JAZF1: variants seen among roughly 807,000 people sequenced by gnomAD.
JAZF1 encodes juxtaposed with another zinc finger protein 1.
In JAZF1, 8 loss-of-function variants were observed where a neutral mutation model predicts 26.4. The ratio of observed to expected loss-of-function variants is 0.30; its 90% CI spans 0.18 to 0.55. The LOEUF (loss-of-function observed/expected upper bound fraction) is 0.55, where lower values mean the gene tolerates loss of function less well. Ranked by LOEUF, JAZF1 falls within the 20% of genes least tolerant of loss-of-function variation. JAZF1 has a pLI of 0.94. For missense variants in JAZF1, 199 were observed against 322.0 expected, an observed-to-expected ratio of 0.62 and a Z score of 2.92; for synonymous variants, 126 against 122.3, an observed-to-expected ratio of 1.03 and a Z score of -0.20.
intron 3 of JAZF1, among the ~76,000 whole-genome samples, chr7:27,870,985 A>G (rs1583440377): frequency 6.6e-6 from 1 of 152,146 alleles, no homozygotes; most frequent in East Asian, 1.9e-4. Context: ...GGGTTCATGT[A>G]CCCCCAGCCA....
chr7:28,073,647 G>A (rs935585182), intron 1 of JAZF1, among the ~76,000 whole-genome samples: 1 of 152,112 alleles, frequency 6.6e-6, no homozygotes, highest in Non-Finnish European at 1.5e-5. Context: ...TCATCACAGG[G>A]AACGTGCTTA....
At chr7:28,045,063 A>C (rs993539778) in intron 1 of JAZF1, among the ~76,000 whole-genome samples, 6 of 152,004 alleles carry the variant, frequency 3.9e-5, no homozygotes, top group Non-Finnish European at 8.8e-5. Context: ...GGCAGGCAGG[A>C]AGGAAGAAAA....
rs1784701691 is a variant in JAZF1, at chr7:27,932,519, A to C, written c.189-37103T>G. On this transcript the variant is annotated intron_variant, in intron 2 of 4. Transcript: ENST00000283928. The stretch of plus-strand genomic sequence containing the variant: ...CTCAATCAGCTGGAAACAATAAATA[A>C]ATTTATGATTCGCAACATGAAATAC... 2.0e-5 allele frequency among the ~76,000 whole-genome samples: 3 copies of C among 152,346 alleles called. No homozygotes were observed. In the South Asian group the frequency reaches 6.2e-4, roughly 32 times the overall value.
intron 2 of JAZF1, among the ~76,000 whole-genome samples, chr7:27,898,285 T>TGATATATA: frequency 4.2e-5 from 1 of 23,738 alleles, no homozygotes; most frequent in Non-Finnish European, 9.6e-5. Flanking sequence ...TACGTCTAAC[T>TGATATATA]CATATATATA....
At position 27,831,144 on chromosome 7, in the gene JAZF1, G is replaced by C. The variant is rs114700625; in HGVS notation, c.*1656C>G. 4.5e-6 allele frequency: 1 copy of C among 223,492 alleles called. No individual in the cohort carries two copies. Among genetic ancestry groups the C allele is most frequent in the Non-Finnish European group, 9.0e-6 (1 of 111,688 alleles). The allele number at this position is 223,492 out of a possible 1,614,324, so 13.8% of individuals were successfully genotyped here. A position where few individuals can be genotyped will look rare whatever the true frequency, so the allele number is the denominator to read the frequency against. On this transcript the variant is annotated 3_prime_UTR_variant, in exon 5 of 5. Coordinates refer to ENST00000283928, the MANE Select transcript of JAZF1 (RefSeq NM_175061.4). Reference sequence around the variant, plus strand: ...AGGACCAAGACCATACTTCAGATCTGAGGAAATTTTTAGAGGGCAGTGTTT... The same window carrying C: ...AGGACCAAGACCATACTTCAGATCTCAGGAAATTTTTAGAGGGCAGTGTTT...
At chr7:27,878,637 A>T (rs969300716) in intron 3 of JAZF1, among the ~76,000 whole-genome samples, 18 of 152,152 alleles carry the variant, frequency 1.2e-4, no homozygotes, top group African/African-American at 4.3e-4. Context: ...TGTTTTCTTT[A>T]ATCGGGAGGA....
At position 28,043,038 on chromosome 7, in the gene JAZF1, G is replaced by A. The variant is rs139705979; in HGVS notation, c.116-51057C>T. 5.1e-3 allele frequency among the ~76,000 whole-genome samples: 781 copies of A among 152,296 alleles called. 7 individuals are homozygous for A. Among genetic ancestry groups the A allele is most frequent in the Non-Finnish European group, 9.3e-3 (636 of 68,024 alleles). On this transcript the variant is annotated intron_variant, in intron 1 of 4. Transcript: ENST00000283928. ...TGCTGTACTATGATCCTGCAAAAAT[G>A]TAAGACAGATTTGAAACTGCTGCAA...
At chr7:28,092,585 A>G (rs113450276) in intron 1 of JAZF1, among the ~76,000 whole-genome samples, 1 of 152,078 alleles carries the variant, frequency 6.6e-6, no homozygotes, top group African/African-American at 2.4e-5. Context: ...GCTCACACTT[A>G]TAATCCCAGC....
At chr7:28,061,432 G>A (rs1013071520) in intron 1 of JAZF1, among the ~76,000 whole-genome samples, 1 of 152,160 alleles carries the variant, frequency 6.6e-6, no homozygotes, top group African/African-American at 2.4e-5. Flanking sequence ...GCATAACAAT[G>A]AATGGCAGAC....
chr7:28,053,363 T>TA (rs1472677763), intron 1 of JAZF1, among the ~76,000 whole-genome samples: 3 of 151,520 alleles, frequency 2.0e-5, no homozygotes, highest in Admixed American at 6.6e-5. Context: ...AATCACACAG[T>TA]AATTCTATTT....
intron 1 of JAZF1, among the ~76,000 whole-genome samples, chr7:28,080,025 AAGT>A (rs1394167790): frequency 6.6e-6 from 1 of 152,224 alleles, no homozygotes; most frequent in Non-Finnish European, 1.5e-5. Flanking sequence ...TGTCTTTAAA[AAGT>A]ATATATCTTA....
intron 1 of JAZF1, among the ~76,000 whole-genome samples, chr7:28,000,618 CTT>C: frequency 1.7e-5 from 1 of 58,096 alleles, no homozygotes; most frequent in African/African-American, 4.8e-5. Context: ...TTCTTTCTTT[CTT>C]TCTTTTTTTT....
At chr7:27,897,584 C>T (rs12666442) in intron 2 of JAZF1, among the ~76,000 whole-genome samples, 28,085 of 152,194 alleles carry the variant, frequency 0.18, 3,312 homozygotes, top group East Asian at 0.47. Flanking sequence ...GTGAACTGCA[C>T]AGCCTGGAGG....
intron 1 of JAZF1, among the ~76,000 whole-genome samples, chr7:28,023,021 G>A (rs989837460): frequency 3.9e-5 from 6 of 152,316 alleles, no homozygotes; most frequent in East Asian, 3.9e-4. Flanking sequence ...TCGGTGCTTC[G>A]TGAGGATACA....
intron 1 of JAZF1, among the ~76,000 whole-genome samples, chr7:28,073,268 T>C (rs1435109228): frequency 2.0e-5 from 3 of 152,222 alleles, no homozygotes; most frequent in African/African-American, 7.2e-5. Context: ...AGACCTGGTC[T>C]CTGGGCTTCC....
chr7:27,993,263 C>G (rs975595114), intron 1 of JAZF1, among the ~76,000 whole-genome samples: 1 of 152,186 alleles, frequency 6.6e-6, no homozygotes, highest in African/African-American at 2.4e-5. Flanking sequence ...CAAAGATTCT[C>G]TGAATGGCTC....
At chr7:27,849,010 G>C (rs1783080480) in intron 3 of JAZF1, among the ~76,000 whole-genome samples, 1 of 152,198 alleles carries the variant, frequency 6.6e-6, no homozygotes, top group Non-Finnish European at 1.5e-5. Flanking sequence ...ACTGATCAGA[G>C]GGGAAAGCTG....
At chr7:28,069,779 G>C (rs992387244) in intron 1 of JAZF1, among the ~76,000 whole-genome samples, 14 of 152,172 alleles carry the variant, frequency 9.2e-5, no homozygotes, top group African/African-American at 3.4e-4. Context: ...ACGGCTCCAT[G>C]CTAGGTCTGC....
At chr7:27,899,066 C>T (rs1473470146) in intron 2 of JAZF1, among the ~76,000 whole-genome samples, 1 of 152,218 alleles carries the variant, frequency 6.6e-6, no homozygotes, top group Non-Finnish European at 1.5e-5. Flanking sequence ...GCTCCTCTTC[C>T]TCCTCCCTTC....
Sources: gnomAD v4.1 joint callset for allele counts (sites outside exome capture counted in the v4.1 genomes callset) on GRCh38, gnomAD v4.1.1 for gene constraint, MANE v1.5 for transcripts, NCBI Gene and HGNC (gene_info 2026-07-23, HGNC 2026-07-21) for gene names.